Variants in SAE1 observed in about 807,000 individuals in gnomAD.
The protein encoded by SAE1 is SUMO-activating enzyme subunit 1.
SAE1 carries 11 observed loss-of-function variants against 40.6 expected under a neutral mutation model. The observed-to-expected ratio is 0.27, with a 90% CI of 0.17 to 0.45. SAE1 has a LOEUF of 0.45. Ranked by LOEUF, SAE1 falls within the 20% of genes least tolerant of loss-of-function variation. The pLI, the probability that SAE1 is intolerant of heterozygous loss-of-function variation, is 1.00. For synonymous variants in SAE1, 155 were observed against 154.3 expected, an observed-to-expected ratio of 1.00 and a Z score of -0.03; for missense variants, 373 against 427.3, an observed-to-expected ratio of 0.87 and a Z score of 1.12.
chr19:47,200,950 C>T (rs865974674), intron 7 of SAE1, among the ~76,000 whole-genome samples: 4 of 151,854 alleles, frequency 2.6e-5, no homozygotes, highest in Admixed American at 6.6e-5. Flanking sequence ...CTCCACCTCC[C>T]GGGTTCAAGT....
intron 1 of SAE1, 36 bp downstream of exon 1, chr19:47,131,064 G>A: frequency 6.7e-7 from 1 of 1,500,356 alleles, no homozygotes; most frequent in Non-Finnish European, 8.9e-7. Flanking sequence ...GCTAGGGTCT[G>A]GAGGGGGCGT....
At chr19:47,197,145 C>T in intron 6 of SAE1, 88 bp from the exon 7 acceptor site, 10 of 1,354,338 alleles carry the variant, frequency 7.4e-6, no homozygotes, top group Non-Finnish European at 1.0e-5. Flanking sequence ...TGTGCCATTG[C>T]ACTCCAGCCT....
At chr19:47,173,703 A>T (rs573755909) in intron 6 of SAE1, among the ~76,000 whole-genome samples, 1 of 151,990 alleles carries the variant, frequency 6.6e-6, no homozygotes, top group East Asian at 1.9e-4. Flanking sequence ...GTTTCCAGAC[A>T]CCACTGCCAC....
intron 1 of SAE1, among the ~76,000 whole-genome samples, chr19:47,141,984 T>C (rs937620286): frequency 2.0e-5 from 3 of 152,176 alleles, no homozygotes; most frequent in Non-Finnish European, 4.4e-5. Context: ...AGATAAGATA[T>C]AGTTGACCTA....
chr19:47,154,531 G>T (rs754523702), intron 4 of SAE1, among the ~76,000 whole-genome samples: 1 of 107,242 alleles, frequency 9.3e-6, no homozygotes, highest in East Asian at 3.2e-4. Context: ...CTTTCACTCA[G>T]TTGCCCAGGC....
chr19:47,144,476 G>C (rs2058242440), intron 2 of SAE1, among the ~76,000 whole-genome samples: 1 of 152,068 alleles, frequency 6.6e-6, no homozygotes, highest in Non-Finnish European at 1.5e-5. Flanking sequence ...GAGGCGGGCA[G>C]ATCATGAGGT....
Position 47,165,139 on chromosome 19 carries a change from A to G in SAE1, c.628-4679A>G, listed in dbSNP as rs1170650372. 2.4e-5 allele frequency among the ~76,000 whole-genome samples: 3 copies of G among 127,486 alleles called. No individual in the cohort carries two copies. The East Asian group carries it at 7.4e-4, about 31-fold the overall frequency. 83.6% of individuals were successfully genotyped at this position (127,486 alleles called of 152,430 possible). A position where few individuals can be genotyped will look rare whatever the true frequency, so the allele number is the denominator to read the frequency against. ...TGCTCTCTTGCCCAGGCTGGAGTAC[A>G]GTGGTTTGATTGTGATCTCGGCTCA... On this transcript the variant is annotated intron_variant, in intron 5 of 8. Transcript: ENST00000270225.
chr19:47,157,225 T>G (rs2123222786), intron 5 of SAE1, among the ~76,000 whole-genome samples: 1 of 152,298 alleles, frequency 6.6e-6, no homozygotes, highest in Non-Finnish European at 1.5e-5. Context: ...TTAGTGTCTA[T>G]TCACAGAACC....
chr19:47,177,966 GGC>G (rs2058481018), intron 6 of SAE1, among the ~76,000 whole-genome samples: 1 of 152,132 alleles, frequency 6.6e-6, no homozygotes, highest in African/African-American at 2.4e-5. Context: ...AATCTGGCCA[GGC>G]GCGGTGGCTC....
At chr19:47,151,098 C>T (rs945258985) in intron 3 of SAE1, among the ~76,000 whole-genome samples, 2 of 151,828 alleles carry the variant, frequency 1.3e-5, no homozygotes, top group Non-Finnish European at 2.9e-5. Context: ...AATGAAAGGC[C>T]CCAGTATGTT....
At chr19:47,169,215 CTGT>C (rs2058415235) in intron 5 of SAE1, among the ~76,000 whole-genome samples, 1 of 152,024 alleles carries the variant, frequency 6.6e-6, no homozygotes, top group Non-Finnish European at 1.5e-5. Context: ...GGAAGTATTC[CTGT>C]AGTATGAATA....
At chr19:47,142,243 G>A (rs2058226684) in intron 1 of SAE1, among the ~76,000 whole-genome samples, 1 of 152,024 alleles carries the variant, frequency 6.6e-6, no homozygotes, top group Non-Finnish European at 1.5e-5. Context: ...AACTAGCCAG[G>A]CGTGACAGTA....
chr19:47,147,199 G>GTT lies in SAE1; in HGVS notation c.211-2976_211-2975dup, dbSNP rs397859917. Among the ~76,000 whole-genome samples, 56 of 60,970 alleles carry GTT rather than the reference G, an allele frequency of 9.2e-4. 2 individuals are homozygous for GTT. Among genetic ancestry groups the GTT allele is most frequent in the Admixed American group, 1.5e-3 (6 of 4,058 alleles). 40.0% of individuals were successfully genotyped at this position (60,970 alleles called of 152,430 possible). A position where few individuals can be genotyped will look rare whatever the true frequency, so the allele number is the denominator to read the frequency against. ...TGAAATGATAATTGTATGTGTATGG[G>GTT]TTTTTTTTTTTTTTTTTTTTTTTTT... On this transcript the variant is annotated intron_variant, in intron 2 of 8. Coordinates refer to ENST00000270225, the MANE Select transcript of SAE1 (RefSeq NM_005500.3).
intron 1 of SAE1, among the ~76,000 whole-genome samples, chr19:47,131,445 G>A (rs188382265): frequency 1.3e-5 from 2 of 152,250 alleles, no homozygotes; most frequent in African/African-American, 4.8e-5. Context: ...GCACACAGGG[G>A]AGACTGGACT....
intron 3 of SAE1, among the ~76,000 whole-genome samples, chr19:47,152,648 T>TA (rs2058294618): frequency 6.6e-6 from 1 of 152,216 alleles, no homozygotes; most frequent in African/African-American, 2.4e-5. Flanking sequence ...GAATGGCTTT[T>TA]ACTTTTTAGC....
chr19:47,141,766 T>A (rs1375870220), intron 1 of SAE1, among the ~76,000 whole-genome samples: 1 of 152,164 alleles, frequency 6.6e-6, no homozygotes. Context: ...CAGCAGAACT[T>A]AAATTGTGTG....
intron 1 of SAE1, among the ~76,000 whole-genome samples, chr19:47,139,660 CTCACTGCAAGCTACACCTTCCGGGT>C (rs1338211217): frequency 3.4e-5 from 5 of 148,044 alleles, no homozygotes; most frequent in Admixed American, 2.0e-4. Context: ...GCGATCTCGG[CTCACTGCAAGCTACACCTTCCGGGT>C]TCACACCATT....
At chr19:47,190,756 G>A (rs950076660) in intron 6 of SAE1, among the ~76,000 whole-genome samples, 3 of 152,210 alleles carry the variant, frequency 2.0e-5, no homozygotes, top group African/African-American at 7.2e-5. Context: ...TTCTTCCTAA[G>A]AGGAAGCTGG....
rs11321351 is a variant in SAE1 at position 47,145,936 on chromosome 19, G to GT, written c.210+2350dup. On this transcript the variant is annotated intron_variant, in intron 2 of 8. Transcript: ENST00000270225. Reference sequence around the variant, plus strand: ...TCACGGTTTGGTTCCCATTCTCAAGGTTTTTTTTTTTTTTTTTTTCCGGAA... The same window carrying GT: ...TCACGGTTTGGTTCCCATTCTCAAGGTTTTTTTTTTTTTTTTTTTTCCGGAA... Among the ~76,000 whole-genome samples, 50 of 129,802 alleles carry GT rather than the reference G, an allele frequency of 3.9e-4. No individual in the cohort carries two copies. The East Asian group carries it at 5.1e-3, about 13-fold the overall frequency. 85.2% of individuals were successfully genotyped at this position (129,802 alleles called of 152,430 possible). A position where few individuals can be genotyped will look rare whatever the true frequency, so the allele number is the denominator to read the frequency against.
Sources: gnomAD v4.1 joint callset for allele counts (sites outside exome capture counted in the v4.1 genomes callset) on GRCh38, gnomAD v4.1.1 for gene constraint, MANE v1.5 for transcripts, NCBI Gene and HGNC (gene_info 2026-07-23, HGNC 2026-07-21) for gene names.